CYP2C18: variants seen among roughly 807,000 people sequenced by gnomAD.
CYP2C18 encodes cytochrome P450 family 2 subfamily C member 18.
CYP2C18 carries 38 observed loss-of-function variants against 41.3 expected under a neutral mutation model. The observed-to-expected ratio is 0.92, with a 90% CI of 0.71 to 1.21. The LOEUF is 1.21. Among genes scored for constraint, CYP2C18 ranks in the 50% most tolerant of loss-of-function variants. CYP2C18 has a pLI of 0.00. For missense variants in CYP2C18, 635 were observed against 591.4 expected (o/e 1.07, Z -0.77); for synonymous variants, 236 against 210.0 (o/e 1.12, Z -1.07).
chr10:94,699,974 AAG>A (rs1297557757), intron 4 of CYP2C18, among the ~76,000 whole-genome samples: 1 of 152,184 alleles, frequency 6.6e-6, no homozygotes, highest in Non-Finnish European at 1.5e-5. Flanking sequence ...AATGAAATAA[AAG>A]AGGACACAAA....
At chr10:94,704,759 AC>A (rs1345543956) in intron 4 of CYP2C18, among the ~76,000 whole-genome samples, 1 of 152,150 alleles carries the variant, frequency 6.6e-6, no homozygotes, top group Admixed American at 6.6e-5. Flanking sequence ...ATACATAGGC[AC>A]TTTTGAACAT....
chr10:94,693,611 T>C (rs1476725912), intron 3 of CYP2C18, among the ~76,000 whole-genome samples: 1 of 151,964 alleles, frequency 6.6e-6, no homozygotes, highest in East Asian at 1.9e-4. Context: ...CACACAGAAA[T>C]CTCTAACTAA....
chr10:94,688,108 G>C lies in CYP2C18; in HGVS notation c.332-17G>C. ...GTTTGGATTCTCCCTCGTAGCTTCT[G>C]TTTTCTGTTCTGCTAGGAATCCTTT... On this transcript the variant is annotated splice_polypyrimidine_tract_variant and intron_variant, in intron 2 of 8. Coordinates refer to ENST00000285979, the MANE Select transcript of CYP2C18 (RefSeq NM_000772.3). 1.2e-6 allele frequency: 2 copies of C among 1,613,310 alleles called. No homozygotes were observed. Among genetic ancestry groups the C allele is most frequent in the African/African-American group, 2.7e-5 (2 of 74,978 alleles).
intron 8 of CYP2C18, 107 bp downstream of exon 8, chr10:94,733,545 A>G (rs1047473618): frequency 6.4e-7 from 1 of 1,551,924 alleles, no homozygotes; most frequent in Non-Finnish European, 8.7e-7. Context: ...ATTGCTTTGC[A>G]GATCATTAGC....
rs745720615 is a variant in CYP2C18, at chr10:94,694,955, C to A, written c.520C>A (p.Pro174Thr). 3 of 1,612,854 alleles carry A rather than the reference C, an allele frequency of 1.9e-6. No individual in the cohort carries two copies. In the East Asian group the frequency reaches 6.7e-5, roughly 36 times the overall value. ...TCCCACTTTCATCCTGGGCTGTGCT[C>A]CCTGCAATGTGATCTGCTCTGTTAT... is the stretch of plus-strand genomic sequence containing the variant. Reference protein sequence around the residue: ...CDPTFILGCAPCNVICSVIFH... With the variant: ...CDPTFILGCATCNVICSVIFH... The change falls in exon 4 of 9, where the codon CCC (proline) becomes ACC (threonine). Residue 174 changes from proline (P) to threonine (T), a missense_variant. Coordinates refer to ENST00000285979, the MANE Select transcript of CYP2C18 (RefSeq NM_000772.3).
chr10:94,732,727 C>T (rs1216970042), intron 7 of CYP2C18, among the ~76,000 whole-genome samples: 3 of 151,918 alleles, frequency 2.0e-5, no homozygotes, highest in Non-Finnish European at 4.4e-5. Flanking sequence ...AAATATTGTA[C>T]GTTCTCACAA....
At chr10:94,698,943 C>T (rs4255471) in intron 4 of CYP2C18, among the ~76,000 whole-genome samples, 25,222 of 151,980 alleles carry the variant, frequency 0.17, 2,304 homozygotes, top group South Asian at 0.33. Context: ...AAGTTGAATC[C>T]CTGAATAGAC....
chr10:94,688,816 CA>C (rs1231471674), intron 3 of CYP2C18, among the ~76,000 whole-genome samples: 1 of 152,066 alleles, frequency 6.6e-6, no homozygotes, highest in African/African-American at 2.4e-5. Flanking sequence ...ATGTTTTTCC[CA>C]AAGTGTAATT....
intron 7 of CYP2C18, among the ~76,000 whole-genome samples, chr10:94,732,143 T>C (rs191546632): frequency 1.1e-3 from 171 of 151,868 alleles, no homozygotes; most frequent in Non-Finnish European, 2.0e-3. Context: ...AGAAAACAAA[T>C]AATGCCATTA....
intron 6 of CYP2C18, among the ~76,000 whole-genome samples, chr10:94,722,200 A>G (rs1400511404): frequency 6.6e-6 from 1 of 152,196 alleles, no homozygotes; most frequent in Non-Finnish European, 1.5e-5. Context: ...ATATTTAAGC[A>G]GAAAATGTGC....
intron 4 of CYP2C18, among the ~76,000 whole-genome samples, chr10:94,695,300 A>G (rs1847095119): frequency 6.6e-6 from 1 of 151,768 alleles, no homozygotes; most frequent in Non-Finnish European, 1.5e-5. Flanking sequence ...TTTACCCCCA[A>G]TCACCCAACA....
chr10:94,725,442 T>G (rs970490880), intron 7 of CYP2C18, among the ~76,000 whole-genome samples: 5 of 152,100 alleles, frequency 3.3e-5, no homozygotes, highest in Non-Finnish European at 1.5e-5. Context: ...ATTTTTCAAT[T>G]CTTATAACTC....
intron 5 of CYP2C18, among the ~76,000 whole-genome samples, chr10:94,716,891 A>G (rs968321770): frequency 2.0e-5 from 3 of 152,170 alleles, no homozygotes; most frequent in Non-Finnish European, 4.4e-5. Flanking sequence ...TATATTTAGG[A>G]TAGTTAGCTC....
chr10:94,725,629 G>A (rs1310225655), intron 7 of CYP2C18, among the ~76,000 whole-genome samples: 1 of 152,094 alleles, frequency 6.6e-6, no homozygotes, highest in African/African-American at 2.4e-5. Flanking sequence ...TCAGATTAGA[G>A]AAGGTTGCCT....
Position 94,724,479 on chromosome 10 carries a change from C to A in CYP2C18, c.1095C>A (p.Asn365Lys), listed in dbSNP as rs147932613. The A allele has an allele frequency of 1.2e-5, 19 of 1,613,512 alleles. No individual in the cohort carries two copies. Among genetic ancestry groups the A allele is most frequent in the African/African-American group, 5.3e-5 (4 of 74,856 alleles). Reference protein sequence around the residue: ...IQRYIDLLPTNLPHAVTCDVK... With the variant: ...IQRYIDLLPTKLPHAVTCDVK... ...GATACATTGACCTCCTCCCCACCAACCTGCCCCATGCAGTGACCTGTGATG... is the reference window on the plus strand; with the variant it reads ...GATACATTGACCTCCTCCCCACCAAACTGCCCCATGCAGTGACCTGTGATG... Residue 365 changes from asparagine (N) to lysine (K), a missense_variant, in exon 7 of 9, where the codon AAC becomes AAA. Transcript: ENST00000285979.
chr10:94,699,060 G>A (rs1847180349), intron 4 of CYP2C18, among the ~76,000 whole-genome samples: 1 of 152,140 alleles, frequency 6.6e-6, no homozygotes, highest in African/African-American at 2.4e-5. Context: ...ACAAGGAGGA[G>A]CTGGTACCAT....
intron 5 of CYP2C18, among the ~76,000 whole-genome samples, chr10:94,712,565 C>A (rs1473739520): frequency 6.6e-6 from 1 of 151,748 alleles, no homozygotes; most frequent in Non-Finnish European, 1.5e-5. Context: ...GTATATATAC[C>A]ACATTTTCTT....
chr10:94,697,852 T>G (rs1247861891), intron 4 of CYP2C18, among the ~76,000 whole-genome samples: 1 of 152,070 alleles, frequency 6.6e-6, no homozygotes, highest in African/African-American at 2.4e-5. Context: ...TAAAACAGAC[T>G]TTAAACCAAC....
intron 4 of CYP2C18, among the ~76,000 whole-genome samples, chr10:94,695,516 A>G (rs922366989): frequency 6.6e-6 from 1 of 152,110 alleles, no homozygotes; most frequent in Non-Finnish European, 1.5e-5. Flanking sequence ...TTTCCCCTTC[A>G]CTTATGAAGC....
Sources: allele counts gnomAD v4.1 joint callset (sites outside exome capture counted in the v4.1 genomes callset), GRCh38; gene constraint gnomAD v4.1.1; transcripts MANE v1.5; gene names NCBI Gene and HGNC (gene_info 2026-07-23, HGNC 2026-07-21).